The following PCSK6 variants were observed in gnomAD, a reference collection of about 807,000 sequenced individuals.
The protein encoded by PCSK6 is proprotein convertase subtilisin/kexin type 6, also known as paired basic amino acid cleaving enzyme 4.
PCSK6 carries 85 observed loss-of-function variants against 123.3 expected under a neutral mutation model. The ratio of observed to expected loss-of-function variants is 0.69; its 90% CI spans 0.58 to 0.83. PCSK6 has a LOEUF of 0.83. Ranked by LOEUF, PCSK6 falls within the 40% of genes least tolerant of loss-of-function variation. The pLI is 0.00. For missense variants in PCSK6, 1,191 were observed against 1,282.3 expected, an observed-to-expected ratio of 0.93 and a Z score of 1.09; for synonymous variants, 508 against 516.0, an observed-to-expected ratio of 0.98 and a Z score of 0.21.
intron 1 of PCSK6, chr15:101,462,971 C>G: frequency 4.4e-6 from 2 of 454,920 alleles, no homozygotes; most frequent in Non-Finnish European, 8.8e-6. Context: ...CCTGGGAAGG[C>G]TTTGTGCAGA....
intron 1 of PCSK6, among the ~76,000 whole-genome samples, chr15:101,484,494 T>G (rs1477461130): frequency 5.3e-5 from 8 of 152,238 alleles, no homozygotes; most frequent in Non-Finnish European, 1.0e-4. Context: ...GTTCAAGCCA[T>G]TCTCCTGCCT....
chr15:101,411,759 C>G (rs967590177), intron 6 of PCSK6, among the ~76,000 whole-genome samples: 13 of 152,214 alleles, frequency 8.5e-5, no homozygotes, highest in Admixed American at 4.6e-4. Context: ...TAGACCTCCA[C>G]CCATGCGAGG....
chr15:101,483,275 G>A (rs980241658), intron 1 of PCSK6, among the ~76,000 whole-genome samples: 1 of 152,166 alleles, frequency 6.6e-6, no homozygotes, highest in African/African-American at 2.4e-5. Context: ...TTAAGGCTTC[G>A]GCTTGTTTTT....
intron 11 of PCSK6, 63 bp downstream of exon 11, chr15:101,382,029 A>G: frequency 8.9e-7 from 1 of 1,128,494 alleles, no homozygotes; most frequent in Admixed American, 2.0e-5. Flanking sequence ...GCCACACCTT[A>G]CAACAGAGTC....
chr15:101,386,082 C>A (rs2042052272), intron 9 of PCSK6, among the ~76,000 whole-genome samples: 1 of 151,940 alleles, frequency 6.6e-6, no homozygotes, highest in African/African-American at 2.4e-5. Context: ...AAGCACAAGC[C>A]CCAGCCTTGT....
chr15:101,384,513 C>T, intron 9 of PCSK6, 88 bp from the exon 10 acceptor site: 1 of 1,055,510 alleles, frequency 9.5e-7, no homozygotes, highest in Non-Finnish European at 1.4e-6. Context: ...CGGCAGCCAA[C>T]CCACGTCTGA....
intron 13 of PCSK6, among the ~76,000 whole-genome samples, chr15:101,339,595 A>G (rs761246785): frequency 2.6e-5 from 4 of 152,198 alleles, no homozygotes; most frequent in Non-Finnish European, 5.9e-5. Context: ...TTATATCTCA[A>G]TAAAGCTATT....
intron 1 of PCSK6, among the ~76,000 whole-genome samples, chr15:101,477,802 G>A (rs574158694): frequency 6.6e-6 from 1 of 152,304 alleles, no homozygotes; most frequent in African/African-American, 2.4e-5. Context: ...CAGCAGGCAG[G>A]AAACACAGGG....
rs34631529 is a variant in PCSK6, at chr15:101,305,277, G to T, written c.2891C>A (p.Thr964Lys). The T allele has an allele frequency of 2.2e-5, 36 of 1,611,706 alleles. No individual in the cohort carries two copies. Among genetic ancestry groups the T allele is most frequent in the Non-Finnish European group, 3.0e-5 (35 of 1,179,568 alleles). Reference sequence around the variant, plus strand: ...GCACCCTTACCCGGCCAGGAGGCACGTGCGGCAGCAGAACTGAATGAAGAG... The same window carrying T: ...GCACCCTTACCCGGCCAGGAGGCACTTGCGGCAGCAGAACTGAATGAAGAG... The part of the protein sequence containing the change: ...RKLFIQFCCR[T>K]CLLAG Residue 964 changes from threonine (T) to lysine (K), a missense_variant, in exon 22 of 22, where the codon ACG becomes AAG. This residue lies in a region of PCSK6 where 630 missense variants were observed against 631.4 expected (regional missense o/e 1.00). Transcript: ENST00000611716. The surrounding 1 kb of genome is among the most constrained non-coding windows in gnomAD (Gnocchi z 4.8).
intron 13 of PCSK6, among the ~76,000 whole-genome samples, chr15:101,351,502 G>C (rs561739152): frequency 6.6e-6 from 1 of 152,302 alleles, no homozygotes; most frequent in South Asian, 2.1e-4. Flanking sequence ...TTCATGCATG[G>C]CAGCCATCGG....
chr15:101,318,382 T>C lies in PCSK6; in HGVS notation c.2506A>G (p.Thr836Ala), dbSNP rs2040041532. 1.9e-6 allele frequency: 3 copies of C among 1,564,846 alleles called. No homozygotes were observed. Among genetic ancestry groups the C allele is most frequent in the Admixed American group, 3.8e-5 (2 of 52,760 alleles). Residue 836 changes from threonine to alanine, a missense_variant, in exon 19 of 22, where the codon ACC becomes GCC. By Grantham distance (58) the Thr-to-Ala change is moderately conservative (BLOSUM62 0). Around this residue, in one of 3 missense-constraint regions of PCSK6, gnomAD observed 630 missense variants for 631.4 expected, o/e 1.00. Coordinates refer to ENST00000611716, the MANE Select transcript of PCSK6 (RefSeq NM_002570.5). ...GSCIPDCEPGTYFDSELIRCG... is the reference protein window; with the variant it reads ...GSCIPDCEPGAYFDSELIRCG... ...CTGATCAGCTCTGAGTCAAAGTAGG[T>C]GCCTGGCTCACAGTCAGGAATGCAG...
intron 1 of PCSK6, among the ~76,000 whole-genome samples, chr15:101,460,015 T>C (rs2057303808): frequency 6.6e-6 from 1 of 152,178 alleles, no homozygotes; most frequent in African/African-American, 2.4e-5. Flanking sequence ...TGAAATTCCA[T>C]CTGATGTTTG....
intron 13 of PCSK6, chr15:101,346,973 G>C: frequency 8.1e-7 from 1 of 1,231,744 alleles, no homozygotes; most frequent in Non-Finnish European, 1.0e-6. Context: ...CCCCGTGAAA[G>C]AGAAAAGGAG....
rs148230947 is a variant in PCSK6 at position 101,390,917 on chromosome 15, C to T, written c.1210-1353G>A. Reference sequence around the variant, plus strand: ...GGAATAGGAAAGTCACACCCACCCACCCACCACAGGACTCCAGTAGCCGAT... The same window carrying T: ...GGAATAGGAAAGTCACACCCACCCATCCACCACAGGACTCCAGTAGCCGAT... On this transcript the variant is annotated intron_variant, in intron 8 of 21. Coordinates refer to ENST00000611716, the MANE Select transcript of PCSK6 (RefSeq NM_002570.5). 1.1e-3 allele frequency among the ~76,000 whole-genome samples: 161 copies of T among 151,798 alleles called. 6 individuals are homozygous for T. In the East Asian group the frequency reaches 0.027, roughly 25 times the overall value.
chr15:101,421,357 T>A (rs998509555), intron 6 of PCSK6, among the ~76,000 whole-genome samples: 1 of 152,242 alleles, frequency 6.6e-6, no homozygotes, highest in African/African-American at 2.4e-5. Context: ...TTGGTTAAAC[T>A]ATGTCCACAG....
intron 6 of PCSK6, among the ~76,000 whole-genome samples, chr15:101,402,540 C>A (rs1298898321): frequency 3.9e-5 from 6 of 152,188 alleles, no homozygotes; most frequent in African/African-American, 1.4e-4. Context: ...GGGCTAGTAT[C>A]CAGAATCTAC....
chr15:101,458,410 GCCCGGGCTATACACAGTCACTGGACC>G lies in PCSK6; in HGVS notation c.298-14776_298-14751del, dbSNP rs1190019705. Among the ~76,000 whole-genome samples the G allele has an allele frequency of 3.3e-5, 5 of 152,220 alleles. No individual in the cohort carries two copies. The East Asian group carries it at 5.8e-4, about 18-fold the overall frequency. ...GTAGAGACCCGAGCTGGGCAATGTG[GCCCGGGCTATACACAGTCACTGGACC>G]CCCGGGCTGTACACAGTCACTGGAC... On this transcript the variant is annotated intron_variant, in intron 1 of 21. Coordinates refer to ENST00000611716, the MANE Select transcript of PCSK6 (RefSeq NM_002570.5).
chr15:101,398,494 G>A lies in PCSK6; in HGVS notation c.906C>T (p.Tyr302=), dbSNP rs775746617. Residue 302 remains tyrosine (Y), a synonymous_variant, in exon 7 of 22, where the codon TAC becomes TAT. Transcript: ENST00000611716. This position sits in a 1 kb window ranked among gnomAD's most constrained non-coding sequence, Gnocchi z 4.6. The part of the protein sequence containing the change: ...LGIRPNYIDI[Y]SASWGPDDDG... Reference sequence around the variant, plus strand: ...CGTCGTCCGGCCCCCAGCTGGCACTGTAAATGTCGATGTAGTTGGGTCTGA... The same window carrying A: ...CGTCGTCCGGCCCCCAGCTGGCACTATAAATGTCGATGTAGTTGGGTCTGA... 1 of 1,613,990 alleles carries A rather than the reference G, an allele frequency of 6.2e-7. No homozygotes were observed. Among genetic ancestry groups the A allele is most frequent in the Non-Finnish European group, 8.5e-7 (1 of 1,179,854 alleles).
intron 6 of PCSK6, among the ~76,000 whole-genome samples, chr15:101,406,227 C>T (rs1228871704): frequency 1.3e-5 from 2 of 152,154 alleles, no homozygotes; most frequent in Non-Finnish European, 2.9e-5. Flanking sequence ...CCCACACACA[C>T]ACACGCACAC....
Sources: allele counts gnomAD v4.1 joint callset (sites outside exome capture counted in the v4.1 genomes callset), GRCh38; gene constraint gnomAD v4.1.1; regional missense constraint gnomAD v4.1.1; non-coding constraint Gnocchi (gnomAD v3.1); transcripts MANE v1.5; gene names NCBI Gene and HGNC (gene_info 2026-07-23, HGNC 2026-07-21).